Variants in FBXO36 observed in about 807,000 individuals in gnomAD.
FBXO36 encodes F-box only protein 36.
In FBXO36, 18 loss-of-function variants were observed where a neutral mutation model predicts 17.0. That is an observed-to-expected ratio of 1.06 (90% CI 0.73 to 1.57). The LOEUF (loss-of-function observed/expected upper bound fraction) is 1.57, where lower values mean the gene tolerates loss of function less well. Ranked by LOEUF, FBXO36 falls within the 40% of genes most tolerant of loss-of-function variation. The pLI, the probability that FBXO36 is intolerant of heterozygous loss-of-function variation, is 0.00. For missense variants in FBXO36, 229 were observed against 221.9 expected, an observed-to-expected ratio of 1.03 and a Z score of -0.20; for synonymous variants, 83 against 85.3, an observed-to-expected ratio of 0.97 and a Z score of 0.15.
intron 3 of FBXO36, among the ~76,000 whole-genome samples, chr2:230,006,810 G>A (rs1164668330): frequency 2.6e-5 from 4 of 152,158 alleles, no homozygotes; most frequent in Non-Finnish European, 5.9e-5. Flanking sequence ...ACCTGACGCC[G>A]TAGTATCGCT....
At chr2:229,963,187 TC>T (rs2077132828) in intron 1 of FBXO36, among the ~76,000 whole-genome samples, 1 of 151,786 alleles carries the variant, frequency 6.6e-6, no homozygotes, top group African/African-American at 2.4e-5. Context: ...TGCCTCAGCC[TC>T]CTGAGTAACT....
chr2:229,928,562 G>C (rs760551959), intron 1 of FBXO36, among the ~76,000 whole-genome samples: 131 of 152,134 alleles, frequency 8.6e-4, no homozygotes, highest in Non-Finnish European at 1.6e-3. Context: ...TATTGGGCCA[G>C]CACCACCTTT....
At chr2:229,952,110 T>C (rs976984952) in intron 1 of FBXO36, among the ~76,000 whole-genome samples, 1 of 152,224 alleles carries the variant, frequency 6.6e-6, no homozygotes, top group African/African-American at 2.4e-5. Context: ...TTTTAGGCAT[T>C]GCTTTATTTT....
rs143556623 is a variant in FBXO36 at position 230,011,915 on chromosome 2, T to TC, written c.*1031_*1032insC. ...CAGAGGGGTAAAAAGAATACAGTCC[T>TC]GGGGAGAAAGGTCACTTCACTGAGA... On this transcript the variant is annotated 3_prime_UTR_variant, in exon 4 of 4. Coordinates refer to ENST00000283946, the MANE Select transcript of FBXO36 (RefSeq NM_174899.5). 1.3e-5 allele frequency: 2 copies of TC among 152,114 alleles called. No individual in the cohort carries two copies. The highest frequency in any genetic ancestry group is 4.8e-5 in the African/African-American group (2 of 41,396). The allele number at this position is 152,114 out of a possible 1,614,324, so 9.4% of individuals were successfully genotyped here.
rs1201306869 is a variant in FBXO36 at position 229,942,280 on chromosome 2, A to G, written c.96+19671A>G. On this transcript the variant is annotated intron_variant, in intron 1 of 3. Transcript: ENST00000283946. ...CCTGTGCTGGAGCTCCCAAGAGCAC[A>G]TGGCATAGCAGTGCATTCTGCCATT... Among the ~76,000 whole-genome samples, 5 of 152,200 alleles carry G rather than the reference A, an allele frequency of 3.3e-5. No homozygotes were observed. In the South Asian group the frequency reaches 8.3e-4, roughly 25 times the overall value.
chr2:229,971,228 G>A (rs754869004), intron 1 of FBXO36, among the ~76,000 whole-genome samples: 7 of 152,076 alleles, frequency 4.6e-5, no homozygotes, highest in South Asian at 4.2e-4. Flanking sequence ...GGTGGTGAGC[G>A]CCTGTGATCC....
At chr2:229,982,510 C>A (rs2077245795) in intron 2 of FBXO36, among the ~76,000 whole-genome samples, 3 of 152,040 alleles carry the variant, frequency 2.0e-5, no homozygotes, top group Non-Finnish European at 1.5e-5. Context: ...TCTCCCATCT[C>A]AAGATCCTTA....
chr2:229,950,427 AAAAT>A (rs953643867), intron 1 of FBXO36, among the ~76,000 whole-genome samples: 46 of 152,170 alleles, frequency 3.0e-4, no homozygotes, highest in East Asian at 5.8e-4. Flanking sequence ...CTCCATCTCA[AAAAT>A]AAATAAATAA....
At chr2:229,983,321 G>A (rs1274082385) in intron 2 of FBXO36, among the ~76,000 whole-genome samples, 2 of 151,750 alleles carry the variant, frequency 1.3e-5, no homozygotes, top group Non-Finnish European at 1.5e-5. Flanking sequence ...GTTGCAGTGA[G>A]CCAAGATTAC....
intron 1 of FBXO36, among the ~76,000 whole-genome samples, chr2:229,938,965 G>T: frequency 6.6e-6 from 1 of 150,916 alleles, no homozygotes; most frequent in African/African-American, 2.5e-5. Context: ...TAGAGATGGG[G>T]TTGTGGAGAT....
intron 1 of FBXO36, among the ~76,000 whole-genome samples, chr2:229,973,974 C>T (rs1463874787): frequency 6.6e-6 from 1 of 151,992 alleles, no homozygotes; most frequent in Non-Finnish European, 1.5e-5. Context: ...CACTTGAGTC[C>T]AGGAAGTCGA....
At chr2:229,929,049 A>G (rs764536528) in intron 1 of FBXO36, among the ~76,000 whole-genome samples, 1 of 149,710 alleles carries the variant, frequency 6.7e-6, no homozygotes, top group Non-Finnish European at 1.5e-5. Context: ...ATCTTGGCTC[A>G]CTGCCTCCCA....
chr2:230,003,965 A>AT (rs1199555335), intron 3 of FBXO36, among the ~76,000 whole-genome samples: 1 of 152,200 alleles, frequency 6.6e-6, no homozygotes, highest in African/African-American at 2.4e-5. Flanking sequence ...TACTCTGGTC[A>AT]TGCCATTGTC....
intron 1 of FBXO36, 116 bp downstream of exon 1, chr2:229,922,725 C>A: frequency 9.9e-7 from 1 of 1,013,260 alleles, no homozygotes; most frequent in South Asian, 1.6e-5. Context: ...AGCGCCCAGT[C>A]CCGGCTCCGC....
At chr2:230,000,880 G>C (rs1044112396) in intron 3 of FBXO36, among the ~76,000 whole-genome samples, 20 of 128,254 alleles carry the variant, frequency 1.6e-4, no homozygotes, top group Admixed American at 1.5e-3. Context: ...TTTTGAGTCA[G>C]AGTCTCGCTC....
chr2:229,929,569 A>C (rs1490655094), intron 1 of FBXO36, among the ~76,000 whole-genome samples: 1 of 151,762 alleles, frequency 6.6e-6, no homozygotes, highest in African/African-American at 2.4e-5. Context: ...CTGTTTCAAA[A>C]AAAAAAGAAA....
chr2:229,961,086 G>T (rs2077118350), intron 1 of FBXO36, among the ~76,000 whole-genome samples: 1 of 151,594 alleles, frequency 6.6e-6, no homozygotes, highest in African/African-American at 2.4e-5. Flanking sequence ...TCCAGCCTGG[G>T]CCTCAGAGCG....
chr2:229,936,740 A>G (rs1017862717), intron 1 of FBXO36, among the ~76,000 whole-genome samples: 2 of 152,156 alleles, frequency 1.3e-5, no homozygotes, highest in Non-Finnish European at 2.9e-5. Context: ...GCGTGGTGGC[A>G]TGCAACTGTG....
At chr2:229,986,711 T>C (rs1003555428) in intron 2 of FBXO36, among the ~76,000 whole-genome samples, 1 of 151,064 alleles carries the variant, frequency 6.6e-6, no homozygotes, top group Non-Finnish European at 1.5e-5. Flanking sequence ...ATTTTTGTAT[T>C]TTTAGTAGAG....
Sources: allele counts gnomAD v4.1 joint callset (sites outside exome capture counted in the v4.1 genomes callset), GRCh38; gene constraint gnomAD v4.1.1; transcripts MANE v1.5; gene names NCBI Gene and HGNC (gene_info 2026-07-23, HGNC 2026-07-21).